Variants in MYO16 observed in about 807,000 individuals in gnomAD.
MYO16 encodes myosin XVI.
MYO16 carries 94 observed loss-of-function variants against 205.3 expected under a neutral mutation model. The ratio of observed to expected loss-of-function variants is 0.46; its 90% CI spans 0.39 to 0.54. MYO16 has a LOEUF of 0.54. Among genes scored for constraint, MYO16 ranks in the 20% least tolerant of loss-of-function variants. MYO16 has a pLI of 0.00. For synonymous variants in MYO16, 988 were observed against 954.0 expected (o/e 1.04, Z -0.66); for missense variants, 2,315 against 2,387.5 (o/e 0.97, Z 0.63).
At chr13:109,047,962 CAAAG>C (rs1566480202) in intron 24 of MYO16, among the ~76,000 whole-genome samples, 3 of 151,726 alleles carry the variant, frequency 2.0e-5, no homozygotes, top group Non-Finnish European at 1.5e-5. Flanking sequence ...ACAAAAAAAA[CAAAG>C]AATAACATTA....
intron 4 of MYO16, among the ~76,000 whole-genome samples, chr13:108,735,384 A>T (rs571189858): frequency 1.0e-4 from 15 of 150,174 alleles, no homozygotes; most frequent in African/African-American, 3.2e-4. Context: ...TCCTTGTGAT[A>T]ATTTGCTCAG....
At chr13:108,688,608 T>C (rs2139487326) in intron 2 of MYO16, among the ~76,000 whole-genome samples, 1 of 152,292 alleles carries the variant, frequency 6.6e-6, no homozygotes. Flanking sequence ...CATAGGTTTC[T>C]TCATAAATAG....
At chr13:108,977,939 G>A (rs1346707118) in intron 20 of MYO16, among the ~76,000 whole-genome samples, 2 of 151,708 alleles carry the variant, frequency 1.3e-5, no homozygotes, top group African/African-American at 2.4e-5. Flanking sequence ...ATACCATTTA[G>A]GCTATTGATT....
intron 7 of MYO16, 76 bp from the exon 8 acceptor site, chr13:108,820,261 G>A (rs113478729): frequency 9.3e-7 from 1 of 1,074,036 alleles, no homozygotes; most frequent in Non-Finnish European, 1.4e-6. Flanking sequence ...TAGTTGGACA[G>A]CACAGTGTAT....
chr13:108,927,716 A>G (rs1289240653), intron 16 of MYO16, among the ~76,000 whole-genome samples: 1 of 152,260 alleles, frequency 6.6e-6, no homozygotes, highest in Non-Finnish European at 1.5e-5. Context: ...GTCCTTGCGC[A>G]TGCCCTGGAG....
chr13:109,147,969 T>C (rs971360098), intron 32 of MYO16, among the ~76,000 whole-genome samples: 1 of 152,180 alleles, frequency 6.6e-6, no homozygotes, highest in Non-Finnish European at 1.5e-5. Flanking sequence ...TCCTTTGCCA[T>C]GTTAATAGAC....
intron 23 of MYO16, among the ~76,000 whole-genome samples, chr13:109,021,001 G>A (rs781776945): frequency 3.9e-5 from 6 of 152,048 alleles, no homozygotes; most frequent in Admixed American, 6.6e-5. Context: ...TATATATTAC[G>A]ATAGGGAAGG....
At position 108,880,455 on chromosome 13, in the gene MYO16, G is replaced by T. The variant is rs556184643; in HGVS notation, c.1426-2604G>T. On this transcript the variant is annotated intron_variant, in intron 12 of 34. Coordinates refer to ENST00000457511, the MANE Select transcript of MYO16 (RefSeq NM_001198950.3). ...CTTTGCCCATGCCTATGACCTAAATGGTATTGCCTAGGTTTTCTTCTAGGG... is the reference window on the plus strand; with the variant it reads ...CTTTGCCCATGCCTATGACCTAAATTGTATTGCCTAGGTTTTCTTCTAGGG... Among the ~76,000 whole-genome samples, 9 of 152,236 alleles carry T rather than the reference G, an allele frequency of 5.9e-5. No homozygotes were observed. The South Asian group carries it at 1.2e-3, about 21-fold the overall frequency.
intron 29 of MYO16, among the ~76,000 whole-genome samples, chr13:109,123,066 A>G (rs1566517683): frequency 6.6e-6 from 1 of 152,188 alleles, no homozygotes; most frequent in African/African-American, 2.4e-5. Flanking sequence ...TGGATGAAAA[A>G]TATCTGTAAA....
At chr13:109,052,545 A>T in intron 25 of MYO16, 70 bp downstream of exon 25, 1 of 1,205,628 alleles carries the variant, frequency 8.3e-7, no homozygotes, top group South Asian at 1.4e-5. Context: ...TTTTTTTTTA[A>T]AAAAAAGCAC....
At chr13:108,911,034 A>AACACACACACACACACACACACACAC (rs113296282) in intron 16 of MYO16, among the ~76,000 whole-genome samples, 1 of 138,448 alleles carries the variant, frequency 7.2e-6, no homozygotes, top group Admixed American at 7.4e-5. Flanking sequence ...TATAGGAGAA[A>AACACACACACACACACACACACACAC]ACACACACAC....
At position 108,785,711 on chromosome 13, in the gene MYO16, G is replaced by C. The variant is rs768474332; in HGVS notation, c.584G>C (p.Ser195Thr). 7 of 1,612,686 alleles carry C rather than the reference G, an allele frequency of 4.3e-6. No individual in the cohort carries two copies. Among genetic ancestry groups the C allele is most frequent in the East Asian group, 4.5e-5 (2 of 44,860 alleles). Residue 195 changes from serine (S) to threonine (T), a missense_variant, in exon 5 of 35, where the codon AGC (serine) becomes ACC (threonine). Physicochemically the swap from Ser to Thr is moderately conservative, Grantham distance 58. Transcript: ENST00000457511. ...LDYAVEGTESSSILLTYLDEN... is the reference protein window; with the variant it reads ...LDYAVEGTESTSILLTYLDEN... The stretch of plus-strand genomic sequence containing the variant: ...TATGCTGTAGAAGGGACAGAATCCA[G>C]CTCTATCCTGTTGACCTATCTGGAT...
intron 23 of MYO16, among the ~76,000 whole-genome samples, chr13:109,039,028 G>T (rs954700432): frequency 1.3e-5 from 2 of 152,184 alleles, no homozygotes; most frequent in African/African-American, 4.8e-5. Flanking sequence ...AAGTGTTTCA[G>T]CCCATTCCAC....
chr13:109,184,871 C>G (rs916166832), intron 34 of MYO16, among the ~76,000 whole-genome samples: 1 of 152,022 alleles, frequency 6.6e-6, no homozygotes, highest in African/African-American at 2.4e-5. Flanking sequence ...CAGGTTCAAG[C>G]GATTCTCCTG....
intron 33 of MYO16, among the ~76,000 whole-genome samples, chr13:109,171,233 T>C (rs1482807567): frequency 3.3e-5 from 5 of 152,216 alleles, no homozygotes; most frequent in Non-Finnish European, 5.9e-5. Context: ...GTCAGTATTA[T>C]AGAAATTGAA....
At chr13:108,954,359 G>T (rs902668101) in intron 16 of MYO16, among the ~76,000 whole-genome samples, 1 of 152,044 alleles carries the variant, frequency 6.6e-6, no homozygotes, top group African/African-American at 2.4e-5. Flanking sequence ...AAGTAAGTCA[G>T]AAAAAAAGAG....
intron 23 of MYO16, among the ~76,000 whole-genome samples, chr13:109,023,437 T>TTC (rs1886192945): frequency 1.1e-5 from 1 of 93,070 alleles, no homozygotes. Flanking sequence ...TATTTATATA[T>TTC]TATACAGATA....
At chr13:108,748,557 C>T (rs9559398) in intron 4 of MYO16, among the ~76,000 whole-genome samples, 4,629 of 152,048 alleles carry the variant, frequency 0.03, 213 homozygotes, top group East Asian at 0.21. Flanking sequence ...AATGAAACCA[C>T]AAGCTACATT....
intron 23 of MYO16, among the ~76,000 whole-genome samples, chr13:109,020,419 T>A (rs1175066042): frequency 6.6e-6 from 1 of 152,192 alleles, no homozygotes; most frequent in Non-Finnish European, 1.5e-5. Flanking sequence ...ATAAAAATGA[T>A]CATTCTCCTT....
Sources: allele counts gnomAD v4.1 joint callset (sites outside exome capture counted in the v4.1 genomes callset), GRCh38; gene constraint gnomAD v4.1.1; transcripts MANE v1.5; gene names NCBI Gene and HGNC (gene_info 2026-07-23, HGNC 2026-07-21).